TMEM178B: variants seen among roughly 807,000 people sequenced by gnomAD.
TMEM178B encodes the protein transmembrane protein 178B.
TMEM178B carries 5 observed loss-of-function variants against 31.0 expected under a neutral mutation model. The ratio of observed to expected loss-of-function variants is 0.16; its 90% CI spans 0.08 to 0.34. TMEM178B has a LOEUF of 0.34. Among genes scored for constraint, TMEM178B ranks in the 10% least tolerant of loss-of-function variants. The pLI, the probability that TMEM178B is intolerant of heterozygous loss-of-function variation, is 1.00. For synonymous variants in TMEM178B, 164 were observed against 164.0 expected (o/e 1.00, Z 0.00); for missense variants, 275 against 400.3 (o/e 0.69, Z 2.67).
At chr7:141,191,814 C>T (rs79689973) in intron 1 of TMEM178B, among the ~76,000 whole-genome samples, 3,663 of 152,094 alleles carry the variant, frequency 0.024, 66 homozygotes, top group Non-Finnish European at 0.038. Flanking sequence ...GTAGGTTTTG[C>T]TATGTGAAAT....
intron 2 of TMEM178B, among the ~76,000 whole-genome samples, chr7:141,436,844 G>A (rs1471117094): frequency 1.3e-5 from 2 of 152,176 alleles, no homozygotes; most frequent in Admixed American, 6.5e-5. Context: ...GAGCTGATGG[G>A]TTAGCCAGGC....
intron 2 of TMEM178B, among the ~76,000 whole-genome samples, chr7:141,351,689 A>G (rs765480390): frequency 7.9e-5 from 12 of 152,188 alleles, no homozygotes; most frequent in African/African-American, 2.4e-4. Flanking sequence ...TTTTACATCA[A>G]TCTGAATGTC....
intron 2 of TMEM178B, among the ~76,000 whole-genome samples, chr7:141,343,558 G>C (rs1226883315): frequency 1.5e-5 from 2 of 137,080 alleles, no homozygotes; most frequent in Non-Finnish European, 3.1e-5. Flanking sequence ...TTGTGAGATG[G>C]AGTCTTGCTC....
chr7:141,167,440 G>A (rs1796279782), intron 1 of TMEM178B, among the ~76,000 whole-genome samples: 1 of 152,236 alleles, frequency 6.6e-6, no homozygotes, highest in Non-Finnish European at 1.5e-5. Flanking sequence ...CGCGAATCGT[G>A]TTGCCCTCCT....
At chr7:141,116,071 C>G (rs771401962) in intron 1 of TMEM178B, among the ~76,000 whole-genome samples, 1 of 152,156 alleles carries the variant, frequency 6.6e-6, no homozygotes, top group Non-Finnish European at 1.5e-5. Context: ...GCTTCAGCTC[C>G]GAGTTCAGTG....
At chr7:141,300,703 T>C (rs1385059980) in intron 2 of TMEM178B, among the ~76,000 whole-genome samples, 4 of 152,044 alleles carry the variant, frequency 2.6e-5, no homozygotes, top group Non-Finnish European at 5.9e-5. Context: ...CCAACATTTA[T>C]CAAGGTTGTT....
At chr7:141,389,744 G>T (rs1316441862) in intron 2 of TMEM178B, among the ~76,000 whole-genome samples, 3 of 152,174 alleles carry the variant, frequency 2.0e-5, no homozygotes, top group African/African-American at 4.8e-5. Flanking sequence ...GAATCTAAAT[G>T]GGAAAATTAT....
At chr7:141,206,769 C>T (rs143800013) in intron 1 of TMEM178B, among the ~76,000 whole-genome samples, 2 of 152,250 alleles carry the variant, frequency 1.3e-5, no homozygotes, top group Non-Finnish European at 2.9e-5. Flanking sequence ...GTAAATTGCT[C>T]TCCCTGTTTT....
chr7:141,123,081 C>T (rs768102400), intron 1 of TMEM178B, among the ~76,000 whole-genome samples: 13 of 152,212 alleles, frequency 8.5e-5, no homozygotes, highest in Admixed American at 6.5e-5. Context: ...TTTTTATTGC[C>T]GTCTCTTGCT....
chr7:141,422,943 G>A lies in TMEM178B; in HGVS notation c.497-14665G>A, dbSNP rs944601443. Among the ~76,000 whole-genome samples, 1 of 152,180 alleles carries A rather than the reference G, an allele frequency of 6.6e-6. No homozygotes were observed. Among genetic ancestry groups the A allele is most frequent in the African/African-American group, 2.4e-5 (1 of 41,434 alleles). On this transcript the variant is annotated intron_variant, in intron 2 of 3. Transcript: ENST00000565468. This position sits in a 1 kb window ranked among gnomAD's most constrained non-coding sequence, Gnocchi z 4.2. ...TCACGCCTCTCTTTAGAACAGTGCT[G>A]TCCCATGGAAATATCGTGCAAACCG...
At chr7:141,374,265 C>G (rs1264741616) in intron 2 of TMEM178B, among the ~76,000 whole-genome samples, 1 of 152,140 alleles carries the variant, frequency 6.6e-6, no homozygotes, top group Non-Finnish European at 1.5e-5. Flanking sequence ...GTCTGTGGCT[C>G]TAATGGGAGA....
rs573313952 is a variant in TMEM178B at position 141,401,833 on chromosome 7, C to T, written c.497-35775C>T. Among the ~76,000 whole-genome samples the T allele has an allele frequency of 2.0e-5, 3 of 152,070 alleles. No individual in the cohort carries two copies. The South Asian group carries it at 6.2e-4, about 32-fold the overall frequency. ...TAAAAGTTAACATCCCTGATGGAGTCGTAAATATCCTAATCAATAGTAAAT... is the reference window on the plus strand; with the variant it reads ...TAAAAGTTAACATCCCTGATGGAGTTGTAAATATCCTAATCAATAGTAAAT... On this transcript the variant is annotated intron_variant, in intron 2 of 3. Coordinates refer to ENST00000565468, the MANE Select transcript of TMEM178B (RefSeq NM_001195278.2).
intron 2 of TMEM178B, among the ~76,000 whole-genome samples, chr7:141,218,787 C>T (rs566827183): frequency 6.6e-6 from 1 of 152,272 alleles, no homozygotes; most frequent in South Asian, 2.1e-4. Context: ...CCCCTCCCCA[C>T]TGGCATCAAC....
intron 2 of TMEM178B, among the ~76,000 whole-genome samples, chr7:141,228,872 A>G (rs1216328582): frequency 6.6e-6 from 1 of 152,190 alleles, no homozygotes; most frequent in Non-Finnish European, 1.5e-5. Flanking sequence ...AAGTATTTAT[A>G]GTTCACTGAG....
At chr7:141,431,431 C>T (rs998895554) in intron 2 of TMEM178B, among the ~76,000 whole-genome samples, 4 of 152,174 alleles carry the variant, frequency 2.6e-5, no homozygotes, top group South Asian at 4.1e-4. Context: ...TGGTTCTCCT[C>T]GCCTTTCCTC....
At chr7:141,510,722 A>AG in the TMEM178B span, among the ~76,000 whole-genome samples, 1 of 149,256 alleles carries the variant, frequency 6.7e-6, no homozygotes, top group African/African-American at 2.5e-5. Context: ...AGAAAAAAAA[A>AG]GAATGAGCTC....
chr7:141,501,170 T>G, the TMEM178B span, among the ~76,000 whole-genome samples: 2 of 152,176 alleles, frequency 1.3e-5, no homozygotes, highest in African/African-American at 4.8e-5. Flanking sequence ...GGTTTATCCA[T>G]CTGTGTTAAA....
intron 1 of TMEM178B, among the ~76,000 whole-genome samples, chr7:141,206,947 C>G (rs1796976741): frequency 6.6e-6 from 1 of 152,228 alleles, no homozygotes; most frequent in African/African-American, 2.4e-5. Flanking sequence ...ATTTCTCCCA[C>G]TCTCCAGCCC....
chr7:141,167,116 G>A (rs1410112872), intron 1 of TMEM178B, among the ~76,000 whole-genome samples: 1 of 152,190 alleles, frequency 6.6e-6, no homozygotes, highest in South Asian at 2.1e-4. Flanking sequence ...TAAAATGAGG[G>A]TGTTGACCTA....
Sources: gnomAD v4.1 joint callset for allele counts (sites outside exome capture counted in the v4.1 genomes callset) on GRCh38, gnomAD v4.1.1 for gene constraint, Gnocchi (gnomAD v3.1) non-coding constraint, MANE v1.5 for transcripts, NCBI Gene and HGNC (gene_info 2026-07-23, HGNC 2026-07-21) for gene names.